Variants in CRACD observed in about 807,000 individuals in gnomAD.
CRACD encodes capping protein inhibiting regulator of actin dynamics, also known as capping protein-inhibiting regulator of actin dynamics.
In CRACD, 56 loss-of-function variants were observed where a neutral mutation model predicts 106.8. That is an observed-to-expected ratio of 0.52 (90% CI 0.42 to 0.66). The LOEUF (loss-of-function observed/expected upper bound fraction) is 0.66, where lower values mean the gene tolerates loss of function less well. Ranked by LOEUF, CRACD falls within the 30% of genes least tolerant of loss-of-function variation. The pLI, the probability that CRACD is intolerant of heterozygous loss-of-function variation, is 0.00. For synonymous variants in CRACD, 754 were observed against 670.8 expected (o/e 1.12, Z -1.92); for missense variants, 1,730 against 1,623.2 (o/e 1.07, Z -1.13).
intron 1 of CRACD, among the ~76,000 whole-genome samples, chr4:56,151,289 C>T (rs1735571171): frequency 6.6e-6 from 1 of 152,146 alleles, no homozygotes; most frequent in Non-Finnish European, 1.5e-5. Context: ...CGTGAGCCAC[C>T]TCACCTGGCG....
chr4:56,203,788 C>T (rs185415100), intron 2 of CRACD, among the ~76,000 whole-genome samples: 68 of 152,318 alleles, frequency 4.5e-4, no homozygotes, highest in African/African-American at 1.6e-3. Context: ...CTCTGCCCAC[C>T]TTAACCTTAC....
chr4:56,327,074 G>A lies in CRACD; in HGVS notation c.3542-570G>A, dbSNP rs1028844465. 4.6e-5 allele frequency among the ~76,000 whole-genome samples: 7 copies of A among 152,076 alleles called. 1 individual carries two copies. The South Asian group carries it at 1.0e-3, about 23-fold the overall frequency. On this transcript the variant is annotated intron_variant, in intron 10 of 10. Transcript: ENST00000682029. ...GCTTTTAACCTCACCAGATCCAGTC[G>A]GCTGGGTTGATCTTTTTCTTCATGG...
chr4:56,186,988 G>C (rs1330100539), intron 2 of CRACD, among the ~76,000 whole-genome samples: 2 of 151,772 alleles, frequency 1.3e-5, no homozygotes, highest in Admixed American at 1.3e-4. Context: ...AGGATGGCTT[G>C]AGCTTAGAGG....
chr4:56,216,660 T>G (rs1331239033), intron 2 of CRACD, among the ~76,000 whole-genome samples: 2 of 152,138 alleles, frequency 1.3e-5, no homozygotes, highest in Non-Finnish European at 2.9e-5. Context: ...AATCGGCCTT[T>G]GCAAAAATAT....
chr4:56,329,109 A>G lies in CRACD; in HGVS notation c.*1305A>G, dbSNP rs534257055. Among the ~76,000 whole-genome samples the G allele has an allele frequency of 6.6e-6, 1 of 152,362 alleles. No individual in the cohort carries two copies. The highest frequency in any genetic ancestry group is 1.5e-5 in the Non-Finnish European group (1 of 68,034). On this transcript the variant is annotated 3_prime_UTR_variant, in exon 11 of 11. Coordinates refer to ENST00000682029, the MANE Select transcript of CRACD (RefSeq NM_001393381.1). ...CCTTTTTATCATCATACACATGTGCATACAAAGAAGGGACTTGGCAGTTTA... is the reference window on the plus strand; with the variant it reads ...CCTTTTTATCATCATACACATGTGCGTACAAAGAAGGGACTTGGCAGTTTA...
At chr4:56,070,851 G>GTGTGTGTGTGTT in intron 1 of CRACD, among the ~76,000 whole-genome samples, 1 of 147,000 alleles carries the variant, frequency 6.8e-6, no homozygotes, top group African/African-American at 2.6e-5. Flanking sequence ...GCTATGCTGT[G>GTGTGTGTGTGTT]TGTGTGTGTG....
chr4:56,049,602 C>G (rs1485691699), intron 1 of CRACD, among the ~76,000 whole-genome samples: 2 of 152,198 alleles, frequency 1.3e-5, no homozygotes, highest in Non-Finnish European at 2.9e-5. Context: ...CGCCTGCCTT[C>G]TCCTCTTCCC....
At chr4:56,233,078 A>G (rs996347238) in intron 2 of CRACD, among the ~76,000 whole-genome samples, 1 of 152,026 alleles carries the variant, frequency 6.6e-6, no homozygotes, top group Non-Finnish European at 1.5e-5. Context: ...TACCATTTGT[A>G]TATCTACTTT....
intron 1 of CRACD, among the ~76,000 whole-genome samples, chr4:56,178,204 C>T (rs1034158363): frequency 6.6e-6 from 1 of 152,064 alleles, no homozygotes; most frequent in Non-Finnish European, 1.5e-5. Context: ...AAAGTTAAAC[C>T]GAGGCAGAAT....
chr4:56,175,926 A>G (rs1396718868), intron 1 of CRACD, among the ~76,000 whole-genome samples: 1 of 152,178 alleles, frequency 6.6e-6, no homozygotes, highest in Non-Finnish European at 1.5e-5. Context: ...TCTTACATTT[A>G]ATCTTTAATT....
chr4:56,294,695 C>G (rs1290868107), intron 3 of CRACD, among the ~76,000 whole-genome samples: 1 of 152,094 alleles, frequency 6.6e-6, no homozygotes, highest in African/African-American at 2.4e-5. Context: ...GGGCTGATCA[C>G]TTGAGGCCAG....
intron 2 of CRACD, among the ~76,000 whole-genome samples, chr4:56,256,545 C>T (rs1011042227): frequency 3.9e-5 from 6 of 152,128 alleles, no homozygotes; most frequent in Non-Finnish European, 4.4e-5. Context: ...ACCAAGTTTC[C>T]ATGAAGCCTG....
chr4:56,307,462 G>A, intron 4 of CRACD, 73 bp from the exon 5 acceptor site: 1 of 1,505,716 alleles, frequency 6.6e-7, no homozygotes, highest in Non-Finnish European at 9.1e-7. Flanking sequence ...CACTAGACAT[G>A]CTGGAGAACC....
intron 2 of CRACD, among the ~76,000 whole-genome samples, chr4:56,232,705 T>TTTAG (rs1395429866): frequency 6.9e-6 from 1 of 144,842 alleles, no homozygotes; most frequent in East Asian, 2.0e-4. Flanking sequence ...TGTATCTTTA[T>TTTAG]TTATTTATTT....
rs922039825 is a variant in CRACD at position 56,054,674 on chromosome 4, T to G, written c.-336+5375T>G. Among the ~76,000 whole-genome samples, 7 of 152,202 alleles carry G rather than the reference T, an allele frequency of 4.6e-5. 1 individual carries two copies. The highest frequency in any genetic ancestry group is 6.5e-5 in the Admixed American group (1 of 15,282). On this transcript the variant is annotated intron_variant, in intron 1 of 10. Coordinates refer to ENST00000682029, the MANE Select transcript of CRACD (RefSeq NM_001393381.1). ...GTAAAGAAATACATATTAAGTAACT[T>G]TGTGGAAATAAAAAAACTGAGTAAC...
chr4:56,083,810 T>C (rs1733121634), intron 1 of CRACD, among the ~76,000 whole-genome samples: 1 of 151,912 alleles, frequency 6.6e-6, no homozygotes, highest in Non-Finnish European at 1.5e-5. Context: ...ACCCCATCTC[T>C]ACAAAAAACA....
Position 56,315,606 on chromosome 4 carries a change from C to T in CRACD, c.2104C>T (p.Arg702Trp), listed in dbSNP as rs528871147. ...RPGDESTPRG[R>W]CDSRGNQRKT... ...CGGTGATGAGTCCACTCCCAGGGGCCGGTGTGATTCCCGCGGGAACCAACG... is the reference window on the plus strand; with the variant it reads ...CGGTGATGAGTCCACTCCCAGGGGCTGGTGTGATTCCCGCGGGAACCAACG... Residue 702 changes from arginine (R) to tryptophan (W), a missense_variant, in exon 8 of 11, where the codon CGG (arginine) becomes TGG (tryptophan). By Grantham distance (101) the Arg-to-Trp change is moderately radical. Coordinates refer to ENST00000682029, the MANE Select transcript of CRACD (RefSeq NM_001393381.1). The surrounding 1 kb of genome is among the most constrained non-coding windows in gnomAD (Gnocchi z 4.1). 1.2e-6 allele frequency: 2 copies of T among 1,614,160 alleles called. No homozygotes were observed. The highest frequency in any genetic ancestry group is 8.5e-7 in the Non-Finnish European group (1 of 1,180,030).
At chr4:56,097,167 G>A (rs1733623785) in intron 1 of CRACD, among the ~76,000 whole-genome samples, 1 of 152,164 alleles carries the variant, frequency 6.6e-6, no homozygotes, top group Non-Finnish European at 1.5e-5. Flanking sequence ...CCCAGCTACA[G>A]GCAGATTAGT....
At chr4:56,213,895 A>G (rs528323961) in intron 2 of CRACD, among the ~76,000 whole-genome samples, 2 of 152,252 alleles carry the variant, frequency 1.3e-5, no homozygotes, top group Non-Finnish European at 2.9e-5. Flanking sequence ...TAATTTAACA[A>G]CTGAATGACC....
Sources: gnomAD v4.1 joint callset for allele counts (sites outside exome capture counted in the v4.1 genomes callset) on GRCh38, gnomAD v4.1.1 for gene constraint, Gnocchi (gnomAD v3.1) non-coding constraint, MANE v1.5 for transcripts, NCBI Gene and HGNC (gene_info 2026-07-23, HGNC 2026-07-21) for gene names.